The following CRYBG1 variants were observed in gnomAD, a reference collection of about 807,000 sequenced individuals.
The protein encoded by CRYBG1 is beta/gamma crystallin domain-containing protein 1.
In CRYBG1, 139 loss-of-function variants were observed where a neutral mutation model predicts 189.2. That is an observed-to-expected ratio of 0.73 (90% CI 0.64 to 0.85). The LOEUF (loss-of-function observed/expected upper bound fraction) is 0.85. Ranked by LOEUF, CRYBG1 falls within the 40% of genes least tolerant of loss-of-function variation. CRYBG1 has a pLI of 0.00. For missense variants in CRYBG1, 2,611 were observed against 2,675.8 expected, an observed-to-expected ratio of 0.98 and a Z score of 0.53; for synonymous variants, 1,023 against 1,017.1, an observed-to-expected ratio of 1.01 and a Z score of -0.11.
At position 106,436,295 on chromosome 6, in the gene CRYBG1, CTTTTTT is replaced by C. The variant is rs56333625; in HGVS notation, c.174-15383_174-15378del. 9.6e-3 allele frequency among the ~76,000 whole-genome samples: 1,343 copies of C among 139,716 alleles called. 18 individuals carry two copies. The highest frequency in any genetic ancestry group is 0.031 in the African/African-American group (1,163 of 38,104). The allele number at this position is 139,716 out of a possible 152,430, so 91.7% of individuals were successfully genotyped here. On this transcript the variant is annotated intron_variant, in intron 1 of 21. Transcript: ENST00000633556. The stretch of plus-strand genomic sequence containing the variant: ...ATGTAACATCGTTGACATGCAATCT[CTTTTTT>C]TTTTTTTTTTTTTTTGAGACGGAGT...
At chr6:106,391,968 T>TGTGC (rs56942049) in intron 1 of CRYBG1, among the ~76,000 whole-genome samples, 80 of 59,450 alleles carry the variant, frequency 1.3e-3, no homozygotes, top group African/African-American at 7.5e-3. Context: ...TGTGTGTGTG[T>TGTGC]GTGCGTGCGC....
intron 2 of CRYBG1, among the ~76,000 whole-genome samples, chr6:106,465,456 C>T (rs73511008): frequency 0.03 from 4,506 of 152,252 alleles, 235 homozygotes; most frequent in African/African-American, 0.1. Flanking sequence ...CTTTGAGGTA[C>T]CTCAGGGCTG....
intron 1 of CRYBG1, among the ~76,000 whole-genome samples, chr6:106,362,178 A>G (rs539051651): frequency 1.3e-5 from 2 of 150,820 alleles, no homozygotes; most frequent in Non-Finnish European, 3.0e-5. Flanking sequence ...ACCGTGTTAG[A>G]CAGGATGGTC....
rs1773274891 is a variant in CRYBG1, at chr6:106,512,022, A to C, written c.905A>C (p.Gln302Pro). The C allele has an allele frequency of 6.5e-7, 1 of 1,529,820 alleles. No individual in the cohort carries two copies. Among genetic ancestry groups the C allele is most frequent in the South Asian group, 1.2e-5 (1 of 83,470 alleles). 94.8% of individuals were successfully genotyped at this position (1,529,820 alleles called of 1,614,324 possible). Reference protein sequence around the residue: ...GVRGAPGSPTQERPAGGLGEA... With the variant: ...GVRGAPGSPTPERPAGGLGEA... ...AGGGGTGCGCCAGGGTCGCCCACCC[A>C]GGAGCGGCCCGCGGGAGGACTAGGC... The change falls in exon 3 of 22, where the codon CAG becomes CCG. Residue 302 changes from glutamine (Q) to proline (P), a missense_variant. Around this residue, in one of 3 missense-constraint regions of CRYBG1, gnomAD observed 985 missense variants for 924.4 expected, o/e 1.07. Transcript: ENST00000633556.
intron 1 of CRYBG1, among the ~76,000 whole-genome samples, chr6:106,450,422 T>C (rs1442597617): frequency 2.6e-5 from 4 of 152,198 alleles, no homozygotes; most frequent in African/African-American, 9.6e-5. Flanking sequence ...TCTTGCATTT[T>C]TAGTTCTCTT....
At chr6:106,368,560 TA>T (rs1769952409) in intron 1 of CRYBG1, among the ~76,000 whole-genome samples, 1 of 152,180 alleles carries the variant, frequency 6.6e-6, no homozygotes, top group Non-Finnish European at 1.5e-5. Flanking sequence ...TTAGCTCATT[TA>T]CAGTTGCCTT....
chr6:106,505,188 G>A (rs572099148), intron 2 of CRYBG1, among the ~76,000 whole-genome samples: 17 of 151,584 alleles, frequency 1.1e-4, no homozygotes, highest in East Asian at 5.8e-4. Flanking sequence ...TCCGCCTCCC[G>A]GGTTCAAGCA....
chr6:106,385,599 C>T (rs1770370659), intron 1 of CRYBG1, among the ~76,000 whole-genome samples: 1 of 152,220 alleles, frequency 6.6e-6, no homozygotes, highest in African/African-American at 2.4e-5. Flanking sequence ...TCTTCATGCA[C>T]ATCCTCCTGA....
intron 2 of CRYBG1, among the ~76,000 whole-genome samples, chr6:106,479,990 C>T (rs1772409804): frequency 1.3e-5 from 2 of 151,866 alleles, no homozygotes; most frequent in Admixed American, 6.6e-5. Context: ...TTGTTAAATT[C>T]AAAGTCACAA....
rs147560118 is a variant in CRYBG1 at position 106,411,767 on chromosome 6, G to A, written c.174-39927G>A. Among the ~76,000 whole-genome samples the A allele has an allele frequency of 7.2e-5, 11 of 152,306 alleles. No individual in the cohort carries two copies. The East Asian group carries it at 2.1e-3, about 29-fold the overall frequency. ...AGGGAAGCCAAGAGTGCAGCCTTCAGTCTGTTGCCAAAGGCCTGAGAGCCC... is the reference window on the plus strand; with the variant it reads ...AGGGAAGCCAAGAGTGCAGCCTTCAATCTGTTGCCAAAGGCCTGAGAGCCC... On this transcript the variant is annotated intron_variant, in intron 1 of 21. Transcript: ENST00000633556.
intron 1 of CRYBG1, among the ~76,000 whole-genome samples, chr6:106,438,134 C>T (rs1771497706): frequency 6.6e-6 from 1 of 152,224 alleles, no homozygotes. Flanking sequence ...GCCCATTCTA[C>T]ACCTCCCTGG....
In CRYBG1 at chr6:106,547,205, CA is replaced by C. The variant is rs1562114350; in HGVS notation, c.5312+2273del. Among the ~76,000 whole-genome samples the C allele has an allele frequency of 1.5e-3, 226 of 147,332 alleles. 1 individual carries two copies. The highest frequency in any genetic ancestry group is 3.9e-3 in the Admixed American group (57 of 14,722). Reference sequence around the variant, plus strand: ...ATACGTGGACACACACACACACACACACACACACCACTTCCTTTGAAATTCT... The same window carrying C: ...ATACGTGGACACACACACACACACACCACACACCACTTCCTTTGAAATTCT... On this transcript the variant is annotated intron_variant, in intron 13 of 21. Coordinates refer to ENST00000633556, the MANE Select transcript of CRYBG1 (RefSeq NM_001371242.2).
At chr6:106,565,249 A>C (rs1347946927) in intron 21 of CRYBG1, among the ~76,000 whole-genome samples, 1 of 151,734 alleles carries the variant, frequency 6.6e-6, no homozygotes, top group Non-Finnish European at 1.5e-5. Context: ...TCAACCCGGG[A>C]GGCGGACGTT....
intron 11 of CRYBG1, among the ~76,000 whole-genome samples, chr6:106,544,048 G>A (rs900174979): frequency 3.0e-4 from 46 of 152,310 alleles, no homozygotes; most frequent in African/African-American, 1.1e-3. Context: ...GCGAAACTCT[G>A]TCAAGGAAGG....
chr6:106,537,793 G>C (rs1774039357), intron 8 of CRYBG1, among the ~76,000 whole-genome samples: 1 of 152,098 alleles, frequency 6.6e-6, no homozygotes, highest in South Asian at 2.1e-4. Flanking sequence ...CTGTAGTTCT[G>C]ACCTCCTACC....
At position 106,399,344 on chromosome 6, in the gene CRYBG1, T is replaced by C. The variant is rs377417812; in HGVS notation, c.173+38263T>C. 3.4e-3 allele frequency among the ~76,000 whole-genome samples: 521 copies of C among 152,374 alleles called. 8 individuals are homozygous for C. The highest frequency in any genetic ancestry group is 0.016 in the South Asian group (78 of 4,832). ...ATCATATAAGTTATCATTTATCTCATGCTTTAGTTTGCCCTTCTAACTTTC... is the reference window on the plus strand; with the variant it reads ...ATCATATAAGTTATCATTTATCTCACGCTTTAGTTTGCCCTTCTAACTTTC... On this transcript the variant is annotated intron_variant, in intron 1 of 21. Coordinates refer to ENST00000633556, the MANE Select transcript of CRYBG1 (RefSeq NM_001371242.2).
chr6:106,553,532 A>T lies in CRYBG1; in HGVS notation c.5550A>T (p.Ser1850=), dbSNP rs749844562. Residue 1850 remains serine (S), a synonymous_variant, in exon 16 of 22, where the codon TCA becomes TCT. Coordinates refer to ENST00000633556, the MANE Select transcript of CRYBG1 (RefSeq NM_001371242.2). ...FEETTSQIDD[S]FSTKSCRVSG... Reference sequence around the variant, plus strand: ...AAACAACAAGTCAAATTGATGATTCATTTTCTACCAAGTCTTGCAGAGTTT... The same window carrying T: ...AAACAACAAGTCAAATTGATGATTCTTTTTCTACCAAGTCTTGCAGAGTTT... The T allele has an allele frequency of 2.5e-6, 4 of 1,613,884 alleles. No individual in the cohort carries two copies. In the South Asian group the frequency reaches 4.4e-5, roughly 18 times the overall value.
chr6:106,486,160 C>T (rs896819677), intron 2 of CRYBG1, among the ~76,000 whole-genome samples: 2 of 152,158 alleles, frequency 1.3e-5, no homozygotes, highest in African/African-American at 4.8e-5. Flanking sequence ...GATCTGCTTC[C>T]ATCCTCATTT....
rs770774565 is a variant in CRYBG1 at position 106,558,569 on chromosome 6, T to C, written c.5799T>C (p.Asn1933=). 22 of 1,613,754 alleles carry C rather than the reference T, an allele frequency of 1.4e-5. No individual in the cohort carries two copies. The highest frequency in any genetic ancestry group is 1.9e-5 in the Non-Finnish European group (22 of 1,179,764). Residue 1933 remains asparagine (N), a synonymous_variant, in exon 18 of 22, where the codon AAT becomes AAC. Coordinates refer to ENST00000633556, the MANE Select transcript of CRYBG1 (RefSeq NM_001371242.2). ...KKIELNAETV[N]LRSLGFNTQI... ...TTGAACTTAATGCAGAAACTGTCAATCTCCGATCCCTGGGATTCAACACAC... is the reference window on the plus strand; with the variant it reads ...TTGAACTTAATGCAGAAACTGTCAACCTCCGATCCCTGGGATTCAACACAC...
Sources: allele counts gnomAD v4.1 joint callset (sites outside exome capture counted in the v4.1 genomes callset), GRCh38; gene constraint gnomAD v4.1.1; regional missense constraint gnomAD v4.1.1; transcripts MANE v1.5; gene names NCBI Gene and HGNC (gene_info 2026-07-23, HGNC 2026-07-21).